IQCJ: variants seen among roughly 807,000 people sequenced by gnomAD.
IQCJ encodes the protein IQ domain-containing protein J.
IQCJ carries 9 observed loss-of-function variants against 11.0 expected under a neutral mutation model. The observed-to-expected ratio is 0.82, with a 90% confidence interval of 0.49 to 1.43. IQCJ has a LOEUF of 1.43. IQCJ is among the 40% of genes most tolerant of loss of function. The probability of loss-of-function intolerance (pLI) is 0.00; values close to 1 mark genes in which losing one functional copy is unlikely to be tolerated. For synonymous variants in IQCJ, 55 were observed against 51.3 expected, an observed-to-expected ratio of 1.07 and a Z score of -0.31; for missense variants, 146 against 133.2, an observed-to-expected ratio of 1.10 and a Z score of -0.47.
intron 1 of IQCJ, among the ~76,000 whole-genome samples, chr3:159,180,938 G>A (rs1018260934): frequency 6.6e-6 from 1 of 151,912 alleles, no homozygotes; most frequent in African/African-American, 2.4e-5. Context: ...TAGCACTGTG[G>A]CACAAGCATT....
chr3:159,194,802 T>C (rs1205733543), intron 1 of IQCJ, among the ~76,000 whole-genome samples: 3 of 152,126 alleles, frequency 2.0e-5, no homozygotes, highest in Non-Finnish European at 4.4e-5. Context: ...TCCCCCAAAG[T>C]CCTTGGCAGG....
At chr3:159,216,075 C>T (rs573147150) in intron 1 of IQCJ, among the ~76,000 whole-genome samples, 126 of 126,620 alleles carry the variant, frequency 1.0e-3, no homozygotes, top group Middle Eastern at 0.014. Flanking sequence ...AAAAAGAAAG[C>T]GTGTGTGTGT....
At chr3:159,122,930 G>A (rs1719462725) in intron 1 of IQCJ, among the ~76,000 whole-genome samples, 1 of 152,176 alleles carries the variant, frequency 6.6e-6, no homozygotes, top group Non-Finnish European at 1.5e-5. Context: ...CTACCGAGAT[G>A]AATGGTGATG....
chr3:159,121,039 T>C (rs1249187837), intron 1 of IQCJ, among the ~76,000 whole-genome samples: 1 of 152,212 alleles, frequency 6.6e-6, no homozygotes, highest in Non-Finnish European at 1.5e-5. Flanking sequence ...TCCCTTCTGG[T>C]AGACCTTCAC....
At chr3:159,153,397 C>T (rs1057402145) in intron 1 of IQCJ, among the ~76,000 whole-genome samples, 1 of 152,172 alleles carries the variant, frequency 6.6e-6, no homozygotes, top group African/African-American at 2.4e-5. Flanking sequence ...TGAGTTATTG[C>T]ATCTATGAAT....
At chr3:159,166,556 C>T (rs2108229750) in intron 1 of IQCJ, among the ~76,000 whole-genome samples, 1 of 152,238 alleles carries the variant, frequency 6.6e-6, no homozygotes, top group African/African-American at 2.4e-5. Flanking sequence ...TCCTTTACTC[C>T]CCCAAATAAA....
At chr3:159,122,842 C>T (rs1005100573) in intron 1 of IQCJ, among the ~76,000 whole-genome samples, 10 of 152,178 alleles carry the variant, frequency 6.6e-5, no homozygotes, top group African/African-American at 1.9e-4. Context: ...AAATAAGCTA[C>T]ATTCTTCAAT....
chr3:159,255,556 A>G (rs2621294), intron 3 of IQCJ, among the ~76,000 whole-genome samples: 50,442 of 151,954 alleles, frequency 0.33, 9,406 homozygotes, highest in Non-Finnish European at 0.43. Context: ...GTGGCAATGC[A>G]AAGTATCAGT....
intron 3 of IQCJ, among the ~76,000 whole-genome samples, chr3:159,260,150 T>C (rs1017840831): frequency 5.3e-5 from 8 of 152,186 alleles, no homozygotes; most frequent in Admixed American, 3.9e-4. Flanking sequence ...CCAAATTCCA[T>C]AAAACCAGGA....
rs142297395 is a variant in IQCJ at position 159,214,584 on chromosome 3, G to A, written c.10-31259G>A. Among the ~76,000 whole-genome samples the A allele has an allele frequency of 5.3e-4, 81 of 152,272 alleles. 1 individual carries two copies. The highest frequency in any genetic ancestry group is 1.9e-3 in the African/African-American group (80 of 41,550). ...TTTCAATGACTCAATTTCTACATGT[G>A]GCCCAGGGCAGGATGCTGGCAATGA... On this transcript the variant is annotated intron_variant, in intron 1 of 3. Coordinates refer to ENST00000397832, the MANE Select transcript of IQCJ (RefSeq NM_001042706.3).
chr3:159,247,150 G>T (rs900074358), intron 2 of IQCJ, among the ~76,000 whole-genome samples: 1 of 152,148 alleles, frequency 6.6e-6, no homozygotes, highest in African/African-American at 2.4e-5. Flanking sequence ...AGGCTGGAGT[G>T]CAGTGGCACT....
chr3:159,203,692 G>A (rs1219023346), intron 1 of IQCJ, among the ~76,000 whole-genome samples: 2 of 152,088 alleles, frequency 1.3e-5, no homozygotes, highest in Non-Finnish European at 2.9e-5. Context: ...TGGGAGAGGA[G>A]ACAGAGGGAT....
At chr3:159,088,156 C>T (rs1324778120) in intron 1 of IQCJ, among the ~76,000 whole-genome samples, 2 of 152,134 alleles carry the variant, frequency 1.3e-5, no homozygotes, top group African/African-American at 4.8e-5. Context: ...ATCTTTATTT[C>T]TGCCTTCATT....
downstream of IQCJ, among the ~76,000 whole-genome samples, chr3:159,263,969 G>A (rs1326428492): frequency 1.3e-5 from 2 of 152,186 alleles, no homozygotes; most frequent in South Asian, 2.1e-4. Flanking sequence ...AGGGCTTCTC[G>A]TTTGTGTCTA....
rs187530971 is a variant in IQCJ at position 159,171,022 on chromosome 3, A to G, written c.10-74821A>G. Among the ~76,000 whole-genome samples, 17 of 152,156 alleles carry G rather than the reference A, an allele frequency of 1.1e-4. No homozygotes were observed. The East Asian group carries it at 2.9e-3, about 26-fold the overall frequency. Reference sequence around the variant, plus strand: ...CTCCTTTTCTCTTTATAAGCTAGTAATTTAGTAATCGGCCAATTCTTTAAA... The same window carrying G: ...CTCCTTTTCTCTTTATAAGCTAGTAGTTTAGTAATCGGCCAATTCTTTAAA... On this transcript the variant is annotated intron_variant, in intron 1 of 3. Coordinates refer to ENST00000397832, the MANE Select transcript of IQCJ (RefSeq NM_001042706.3).
At chr3:159,202,622 G>A (rs899406600) in intron 1 of IQCJ, among the ~76,000 whole-genome samples, 9 of 152,132 alleles carry the variant, frequency 5.9e-5, no homozygotes, top group Non-Finnish European at 4.4e-5. Context: ...AAAGCCTGCG[G>A]AATGTTCTAT....
At chr3:159,136,659 G>A (rs1720307327) in intron 1 of IQCJ, among the ~76,000 whole-genome samples, 1 of 152,188 alleles carries the variant, frequency 6.6e-6, no homozygotes, top group South Asian at 2.1e-4. Context: ...GGTGGAAGGA[G>A]CGAGGGTCTT....
chr3:159,168,028 T>C (rs1722273270), intron 1 of IQCJ, among the ~76,000 whole-genome samples: 1 of 152,198 alleles, frequency 6.6e-6, no homozygotes, highest in South Asian at 2.1e-4. Context: ...CCAGGTGAGC[T>C]GGCCTTTTTC....
At chr3:159,215,310 T>C (rs982693760) in intron 1 of IQCJ, among the ~76,000 whole-genome samples, 1 of 152,152 alleles carries the variant, frequency 6.6e-6, no homozygotes, top group African/African-American at 2.4e-5. Context: ...GAAGCTTCCT[T>C]CCTCCAGGAC....
Sources: gnomAD v4.1 joint callset for allele counts (sites outside exome capture counted in the v4.1 genomes callset) on GRCh38, gnomAD v4.1.1 for gene constraint, MANE v1.5 for transcripts, NCBI Gene and HGNC (gene_info 2026-07-23, HGNC 2026-07-21) for gene names.